ROBO2: variants seen among roughly 807,000 people sequenced by gnomAD.
The protein encoded by ROBO2 is roundabout guidance receptor 2.
Under a neutral mutation model 160.8 loss-of-function variants are expected in ROBO2, and 53 were observed. The ratio of observed to expected loss-of-function variants is 0.33; its 90% CI spans 0.26 to 0.41. The LOEUF (loss-of-function observed/expected upper bound fraction) is 0.41, where lower values mean the gene tolerates loss of function less well. ROBO2 is among the 10% of genes least tolerant of loss of function. The probability of loss-of-function intolerance (pLI) is 1.00; values close to 1 mark genes in which losing one functional copy is unlikely to be tolerated. For missense variants in ROBO2, 1,577 were observed against 1,722.4 expected (o/e 0.92, Z 1.49); for synonymous variants, 664 against 611.7 (o/e 1.09, Z -1.26).
chr3:76,829,673 T>G (rs2066905755), intron 2 of ROBO2, among the ~76,000 whole-genome samples: 1 of 147,390 alleles, frequency 6.8e-6, no homozygotes, highest in African/African-American at 2.5e-5. Context: ...TTTTTTCTTT[T>G]TCTTTTTTTT....
At chr3:76,610,565 A>G (rs761977643) in intron 2 of ROBO2, among the ~76,000 whole-genome samples, 6 of 152,158 alleles carry the variant, frequency 3.9e-5, no homozygotes, top group Non-Finnish European at 8.8e-5. Context: ...CCCCCAAGAG[A>G]TGTTGCAGCT....
intron 2 of ROBO2, among the ~76,000 whole-genome samples, chr3:77,245,507 G>T (rs1221195972): frequency 3.3e-5 from 5 of 152,166 alleles, no homozygotes; most frequent in Admixed American, 6.5e-5. Flanking sequence ...CCAGAATTGG[G>T]TCTGGTTACG....
At chr3:76,568,555 C>G (rs2084757111) in intron 2 of ROBO2, among the ~76,000 whole-genome samples, 1 of 152,036 alleles carries the variant, frequency 6.6e-6, no homozygotes, top group Non-Finnish European at 1.5e-5. Flanking sequence ...ATCCACCCGC[C>G]TCGGCCTCCC....
chr3:77,401,580 C>T (rs946863724), intron 2 of ROBO2, among the ~76,000 whole-genome samples: 57 of 152,040 alleles, frequency 3.7e-4, no homozygotes, highest in African/African-American at 1.4e-3. Flanking sequence ...ACTTGGTGGC[C>T]TTTAGAAAGC....
At chr3:75,952,556 A>G (rs1948584481) in intron 2 of ROBO2, among the ~76,000 whole-genome samples, 1 of 151,896 alleles carries the variant, frequency 6.6e-6, no homozygotes, top group South Asian at 2.1e-4. Context: ...CTCAGCCTCT[A>G]CCCCAATTTC....
intron 1 of ROBO2, among the ~76,000 whole-genome samples, chr3:75,936,542 T>C (rs1947788460): frequency 6.6e-6 from 1 of 152,160 alleles, no homozygotes; most frequent in Non-Finnish European, 1.5e-5. Context: ...ATTATTATAC[T>C]GTATTATATA....
chr3:77,218,005 A>T (rs914871581), intron 2 of ROBO2, among the ~76,000 whole-genome samples: 1 of 152,208 alleles, frequency 6.6e-6, no homozygotes, highest in African/African-American at 2.4e-5. Flanking sequence ...CTGATTATCC[A>T]TGCCAAAGAT....
chr3:77,594,302 C>A (rs2094248112), intron 17 of ROBO2, among the ~76,000 whole-genome samples: 1 of 152,136 alleles, frequency 6.6e-6, no homozygotes, highest in Non-Finnish European at 1.5e-5. Flanking sequence ...GAGTCCAGAT[C>A]CATTTGGCTG....
At chr3:76,951,424 T>A (rs943418873) in intron 2 of ROBO2, among the ~76,000 whole-genome samples, 1 of 152,204 alleles carries the variant, frequency 6.6e-6, no homozygotes, top group Admixed American at 6.5e-5. Context: ...ATCTTGATAA[T>A]GTATTTGAAA....
At chr3:77,498,297 A>T (rs2087070021) in intron 5 of ROBO2, among the ~76,000 whole-genome samples, 1 of 152,216 alleles carries the variant, frequency 6.6e-6, no homozygotes, top group Admixed American at 6.5e-5. Flanking sequence ...TGTCAGAAGA[A>T]AAAGGAAATA....
At chr3:75,988,558 C>T (rs145928933) in intron 2 of ROBO2, among the ~76,000 whole-genome samples, 11 of 151,998 alleles carry the variant, frequency 7.2e-5, no homozygotes, top group African/African-American at 1.9e-4. Context: ...TTTCTAGTTC[C>T]GTAAGTTGTA....
chr3:76,145,766 T>A (rs1036769075), intron 2 of ROBO2, among the ~76,000 whole-genome samples: 13 of 152,098 alleles, frequency 8.5e-5, no homozygotes, highest in African/African-American at 2.9e-4. Context: ...ATTCAAACAA[T>A]TTTAGTTTTT....
chr3:76,218,387 A>G (rs1352625465), intron 2 of ROBO2, among the ~76,000 whole-genome samples: 1 of 152,220 alleles, frequency 6.6e-6, no homozygotes. Context: ...CTGTTTGCAG[A>G]TGAAGTGATT....
intron 2 of ROBO2, among the ~76,000 whole-genome samples, chr3:76,140,463 G>A (rs2106750550): frequency 1.3e-5 from 2 of 151,822 alleles, no homozygotes; most frequent in South Asian, 4.2e-4. Context: ...TATCTTCATT[G>A]TACTGAAGTG....
chr3:77,037,657 C>T (rs1270917983), upstream of ROBO2, among the ~76,000 whole-genome samples: 1 of 151,988 alleles, frequency 6.6e-6, no homozygotes, highest in African/African-American at 2.4e-5. Context: ...TTCTGTTTCC[C>T]ACACACACTC....
chr3:76,434,210 A>G, intron 2 of ROBO2: 2 of 1,070,472 alleles, frequency 1.9e-6, no homozygotes, highest in Non-Finnish European at 1.5e-6. Context: ...ACGTGCAGAA[A>G]TATGCAGAGA....
chr3:76,621,001 G>C (rs780716147), intron 2 of ROBO2, among the ~76,000 whole-genome samples: 1 of 152,124 alleles, frequency 6.6e-6, no homozygotes, highest in African/African-American at 2.4e-5. Context: ...TTATGTGCAC[G>C]GCTGACTCTG....
At chr3:75,986,862 T>A (rs975836331) in intron 2 of ROBO2, among the ~76,000 whole-genome samples, 1 of 151,768 alleles carries the variant, frequency 6.6e-6, no homozygotes, top group Non-Finnish European at 1.5e-5. Context: ...GGACCCATGG[T>A]CAAAAATCAT....
intron 2 of ROBO2, among the ~76,000 whole-genome samples, chr3:77,345,893 C>T: frequency 6.6e-6 from 1 of 152,054 alleles, no homozygotes; most frequent in African/African-American, 2.4e-5. Context: ...CATTATTTGC[C>T]TGTTAATGTA....
Sources: allele counts gnomAD v4.1 joint callset (sites outside exome capture counted in the v4.1 genomes callset), GRCh38; gene constraint gnomAD v4.1.1; transcripts MANE v1.5; gene names NCBI Gene and HGNC (gene_info 2026-07-23, HGNC 2026-07-21).